The following PLXDC2 variants were observed in gnomAD, a reference collection of about 807,000 sequenced individuals.
The protein encoded by PLXDC2 is plexin domain containing 2.
In PLXDC2, 40 loss-of-function variants were observed where a neutral mutation model predicts 68.9. The observed-to-expected ratio is 0.58, with a 90% CI of 0.45 to 0.76. PLXDC2 has a LOEUF of 0.76. Among genes scored for constraint, PLXDC2 ranks in the 30% least tolerant of loss-of-function variants. The pLI is 0.00. For missense variants in PLXDC2, 644 were observed against 661.9 expected (o/e 0.97, Z 0.30); for synonymous variants, 243 against 234.2 (o/e 1.04, Z -0.34).
chr10:20,248,455 T>A (rs1343467387), intron 13 of PLXDC2, among the ~76,000 whole-genome samples: 1 of 152,192 alleles, frequency 6.6e-6, no homozygotes, highest in Non-Finnish European at 1.5e-5. Flanking sequence ...TTATCCAAGG[T>A]CAAAGAGTCA....
intron 1 of PLXDC2, among the ~76,000 whole-genome samples, chr10:19,891,797 G>C (rs1422630474): frequency 1.3e-5 from 2 of 152,080 alleles, no homozygotes; most frequent in Non-Finnish European, 2.9e-5. Flanking sequence ...CCAAAGAATT[G>C]GTTTCACCTT....
intron 1 of PLXDC2, among the ~76,000 whole-genome samples, chr10:19,844,937 A>G (rs1462806726): frequency 6.6e-6 from 1 of 152,182 alleles, no homozygotes; most frequent in Non-Finnish European, 1.5e-5. Context: ...GGTACTGGAC[A>G]TTGGAACCAG....
chr10:20,232,036 C>T lies in PLXDC2; in HGVS notation c.1312+12934C>T, dbSNP rs527438859. On this transcript the variant is annotated intron_variant, in intron 12 of 13. Transcript: ENST00000377252. Reference sequence around the variant, plus strand: ...AAAAAAAATTAAATTCTGTGTTCATCAAAAACTCTGTTAGGAAAATGAAAA... The same window carrying T: ...AAAAAAAATTAAATTCTGTGTTCATTAAAAACTCTGTTAGGAAAATGAAAA... Among the ~76,000 whole-genome samples, 12 of 151,636 alleles carry T rather than the reference C, an allele frequency of 7.9e-5. No homozygotes were observed. In the East Asian group the frequency reaches 2.1e-3, roughly 27 times the overall value.
chr10:19,955,417 C>G (rs1208062140), intron 1 of PLXDC2, among the ~76,000 whole-genome samples: 1 of 152,006 alleles, frequency 6.6e-6, no homozygotes, highest in Non-Finnish European at 1.5e-5. Flanking sequence ...GCACCCTCGT[C>G]TTGATTCCCC....
chr10:19,928,998 G>A (rs915758830), intron 1 of PLXDC2, among the ~76,000 whole-genome samples: 3 of 151,378 alleles, frequency 2.0e-5, no homozygotes, highest in East Asian at 2.0e-4. Context: ...CAGCTGATTC[G>A]CCCACTTCGG....
intron 1 of PLXDC2, among the ~76,000 whole-genome samples, chr10:19,966,157 C>G (rs540160911): frequency 4.1e-5 from 6 of 145,970 alleles, no homozygotes; most frequent in African/African-American, 1.6e-4. Flanking sequence ...TATATAAACA[C>G]GCACACATAT....
chr10:19,837,407 AGAGTGTGTGTGT>A (rs1300931186), intron 1 of PLXDC2, among the ~76,000 whole-genome samples: 9 of 87,608 alleles, frequency 1.0e-4, no homozygotes, highest in South Asian at 5.3e-4. Flanking sequence ...AGAGAGAGAG[AGAGTGTGTGTGT>A]GTGTGTGTGT....
intron 7 of PLXDC2, among the ~76,000 whole-genome samples, chr10:20,171,709 T>C (rs1834448479): frequency 6.6e-6 from 1 of 152,300 alleles, no homozygotes; most frequent in South Asian, 2.1e-4. Flanking sequence ...CAGGGAAGGC[T>C]TTCTTCATGG....
rs113189882 is a variant in PLXDC2, at chr10:20,230,630, C to G, written c.1312+11528C>G. ...CAGGCTGCAGTGAGTCATGGTCACA[C>G]CAGTTCACACCATGGTGAGCGCATG... On this transcript the variant is annotated intron_variant, in intron 12 of 13. Coordinates refer to ENST00000377252, the MANE Select transcript of PLXDC2 (RefSeq NM_032812.9). 9.0e-3 allele frequency among the ~76,000 whole-genome samples: 1,214 copies of G among 134,406 alleles called. 15 individuals carry two copies. The highest frequency in any genetic ancestry group is 0.032 in the African/African-American group (1,158 of 35,816). 88.2% of individuals were successfully genotyped at this position (134,406 alleles called of 152,430 possible).
chr10:19,934,622 G>A (rs1833693578), intron 1 of PLXDC2, among the ~76,000 whole-genome samples: 2 of 152,196 alleles, frequency 1.3e-5, no homozygotes, highest in South Asian at 4.1e-4. Flanking sequence ...TTGCTGAGGT[G>A]TTTTGGTGGC....
intron 1 of PLXDC2, among the ~76,000 whole-genome samples, chr10:19,890,501 A>G (rs867156655): frequency 6.9e-6 from 1 of 144,528 alleles, no homozygotes; most frequent in South Asian, 2.2e-4. Context: ...AATATGCAGT[A>G]TTTGGTTTTC....
chr10:20,082,045 G>GAAAAAAAAAAAAAA lies in PLXDC2; in HGVS notation c.541+13810_541+13823dup, dbSNP rs1439512108. Among the ~76,000 whole-genome samples the GAAAAAAAAAAAAAA allele has an allele frequency of 6.2e-4, 6 of 9,620 alleles. 1 individual carries two copies. Among genetic ancestry groups the GAAAAAAAAAAAAAA allele is most frequent in the African/African-American group, 1.8e-3 (3 of 1,698 alleles). The allele number at this position is 9,620 out of a possible 152,430, so 6.3% of individuals were successfully genotyped here. On this transcript the variant is annotated intron_variant, in intron 4 of 13. Coordinates refer to ENST00000377252, the MANE Select transcript of PLXDC2 (RefSeq NM_032812.9). ...AAGTGACAAGAGTGAAACTCCATCT[G>GAAAAAAAAAAAAAA]AAAAAAAAAAAAAAAAATCAAAAAA...
intron 10 of PLXDC2, among the ~76,000 whole-genome samples, chr10:20,215,444 C>A (rs1223837591): frequency 6.6e-6 from 1 of 151,930 alleles, no homozygotes; most frequent in Non-Finnish European, 1.5e-5. Flanking sequence ...AGTATAATGT[C>A]AGGATGCATT....
chr10:20,143,832 A>G (rs1203380777), intron 5 of PLXDC2, among the ~76,000 whole-genome samples: 2 of 152,258 alleles, frequency 1.3e-5, no homozygotes, highest in East Asian at 3.9e-4. Flanking sequence ...GTATGTATCA[A>G]TAAGATGAAC....
chr10:19,984,018 G>A (rs771494032), intron 1 of PLXDC2, among the ~76,000 whole-genome samples: 2 of 152,160 alleles, frequency 1.3e-5, no homozygotes, highest in Non-Finnish European at 2.9e-5. Flanking sequence ...CTGAGACTTG[G>A]TCCAGCGGTT....
intron 9 of PLXDC2, among the ~76,000 whole-genome samples, chr10:20,204,528 A>G (rs1475745283): frequency 2.0e-5 from 3 of 152,188 alleles, no homozygotes; most frequent in Admixed American, 6.6e-5. Context: ...CCATTAAGAT[A>G]ACACATCCTG....
chr10:20,195,987 T>C (rs1834832302), intron 9 of PLXDC2, among the ~76,000 whole-genome samples: 1 of 152,144 alleles, frequency 6.6e-6, no homozygotes, highest in Admixed American at 6.6e-5. Context: ...CTTTTCCCCC[T>C]TTATGCATGT....
At chr10:20,127,189 T>C (rs1442991672) in intron 4 of PLXDC2, among the ~76,000 whole-genome samples, 2 of 152,110 alleles carry the variant, frequency 1.3e-5, no homozygotes, top group Non-Finnish European at 2.9e-5. Flanking sequence ...CCTTTTGAGC[T>C]TTTTTCCTTC....
intron 7 of PLXDC2, among the ~76,000 whole-genome samples, chr10:20,165,475 G>A (rs1361865644): frequency 2.7e-5 from 4 of 148,962 alleles, no homozygotes; most frequent in South Asian, 4.2e-4. Flanking sequence ...TCCCCTTCCT[G>A]TGTCCATGTG....
Sources: gnomAD v4.1 joint callset for allele counts (sites outside exome capture counted in the v4.1 genomes callset) on GRCh38, gnomAD v4.1.1 for gene constraint, MANE v1.5 for transcripts, NCBI Gene and HGNC (gene_info 2026-07-23, HGNC 2026-07-21) for gene names.